The following CNTNAP5 variants were observed in gnomAD, a reference collection of about 807,000 sequenced individuals.
CNTNAP5 encodes contactin associated protein family member 5.
CNTNAP5 carries 72 observed loss-of-function variants against 150.2 expected under a neutral mutation model. That is an observed-to-expected ratio of 0.48 (90% CI 0.40 to 0.58). The LOEUF is 0.58. Ranked by LOEUF, CNTNAP5 falls within the 20% of genes least tolerant of loss-of-function variation. The pLI is 0.00. For missense variants in CNTNAP5, 1,636 were observed against 1,626.2 expected (o/e 1.01, Z -0.10); for synonymous variants, 672 against 619.8 (o/e 1.08, Z -1.25).
At position 124,841,578 on chromosome 2, in the gene CNTNAP5, C is replaced by T. The variant is rs537982361; in HGVS notation, c.3218-23728C>T. 4.6e-5 allele frequency among the ~76,000 whole-genome samples: 7 copies of T among 152,146 alleles called. No individual in the cohort carries two copies. In the South Asian group the frequency reaches 1.5e-3, roughly 32 times the overall value. ...TTCTCTGATTTCCCAACTCTCCTGC[C>T]TGTGGATGTTCCCTCGCAGCATTCC... On this transcript the variant is annotated intron_variant, in intron 19 of 23. Coordinates refer to ENST00000682447, the MANE Select transcript of CNTNAP5 (RefSeq NM_001367498.1).
intron 1 of CNTNAP5, among the ~76,000 whole-genome samples, chr2:124,220,498 A>G (rs541972831): frequency 7.9e-5 from 12 of 152,128 alleles, no homozygotes; most frequent in African/African-American, 1.4e-4. Context: ...GTGTCACCCA[A>G]TGGAAAATAC....
intron 3 of CNTNAP5, among the ~76,000 whole-genome samples, chr2:124,388,176 C>T (rs1207653059): frequency 6.6e-6 from 1 of 152,164 alleles, no homozygotes; most frequent in East Asian, 1.9e-4. Flanking sequence ...CACAGACTAC[C>T]TCCTAAAGGC....
At chr2:124,578,423 G>A (rs1368847041) in intron 11 of CNTNAP5, among the ~76,000 whole-genome samples, 1 of 151,620 alleles carries the variant, frequency 6.6e-6, no homozygotes, top group Non-Finnish European at 1.5e-5. Flanking sequence ...TAATCTTACA[G>A]CTCAAAAGGG....
chr2:124,750,280 A>G (rs186042195), intron 14 of CNTNAP5, among the ~76,000 whole-genome samples: 1 of 152,278 alleles, frequency 6.6e-6, no homozygotes, highest in African/African-American at 2.4e-5. Flanking sequence ...CCTCTTAAGG[A>G]TGCCTGACTC....
chr2:124,602,819 G>T (rs1192401153), intron 11 of CNTNAP5, among the ~76,000 whole-genome samples: 3 of 152,036 alleles, frequency 2.0e-5, no homozygotes, highest in African/African-American at 7.2e-5. Flanking sequence ...AACAAATTGT[G>T]GACATATAAT....
intron 3 of CNTNAP5, among the ~76,000 whole-genome samples, chr2:124,372,408 A>G (rs1690549820): frequency 6.6e-6 from 1 of 152,086 alleles, no homozygotes; most frequent in African/African-American, 2.4e-5. Context: ...ATTCTCCCTA[A>G]TAAACTCCTT....
At chr2:124,570,072 C>T (rs1279992518) in intron 11 of CNTNAP5, among the ~76,000 whole-genome samples, 8 of 152,146 alleles carry the variant, frequency 5.3e-5, no homozygotes, top group African/African-American at 1.9e-4. Flanking sequence ...ACAGTGTGCT[C>T]TTAGTGGAAA....
intron 3 of CNTNAP5, among the ~76,000 whole-genome samples, chr2:124,287,427 A>G (rs1164662811): frequency 1.3e-5 from 2 of 152,192 alleles, no homozygotes; most frequent in Non-Finnish European, 2.9e-5. Flanking sequence ...GTCCCTGTCA[A>G]GCTTCGTTAA....
chr2:124,126,645 A>G lies in CNTNAP5; in HGVS notation c.83-95060A>G, dbSNP rs192835320. Among the ~76,000 whole-genome samples the G allele has an allele frequency of 1.1e-4, 16 of 152,354 alleles. 1 individual carries two copies. In the East Asian group the frequency reaches 3.1e-3, roughly 29 times the overall value. The stretch of plus-strand genomic sequence containing the variant: ...AGTCCAATATCCCTGATGAACATCA[A>G]CGCAAAATTCCTTAATAAAATACTG... On this transcript the variant is annotated intron_variant, in intron 1 of 23. Transcript: ENST00000682447.
At chr2:124,249,425 T>G (rs868409919) in intron 3 of CNTNAP5, among the ~76,000 whole-genome samples, 6 of 152,188 alleles carry the variant, frequency 3.9e-5, no homozygotes, top group Non-Finnish European at 8.8e-5. Context: ...CTCTGAAGTC[T>G]GCTATCTGAG....
At chr2:124,067,306 G>T (rs1682185171) in intron 1 of CNTNAP5, among the ~76,000 whole-genome samples, 1 of 152,152 alleles carries the variant, frequency 6.6e-6, no homozygotes, top group African/African-American at 2.4e-5. Context: ...GTCAGAATCA[G>T]GGTGTTGGCA....
At chr2:124,569,029 C>T (rs1696093893) in intron 11 of CNTNAP5, among the ~76,000 whole-genome samples, 1 of 152,160 alleles carries the variant, frequency 6.6e-6, no homozygotes, top group Non-Finnish European at 1.5e-5. Flanking sequence ...GCCTGGGCGA[C>T]AGAGCGAGAC....
At chr2:124,730,939 T>C (rs1265857595) in intron 13 of CNTNAP5, among the ~76,000 whole-genome samples, 33 of 152,150 alleles carry the variant, frequency 2.2e-4, no homozygotes, top group Admixed American at 2.2e-3. Context: ...ATCGTTATGC[T>C]GATGATCCTC....
At chr2:124,683,457 T>G (rs1679116395) in intron 13 of CNTNAP5, among the ~76,000 whole-genome samples, 1 of 152,092 alleles carries the variant, frequency 6.6e-6, no homozygotes, top group Admixed American at 6.6e-5. Flanking sequence ...TTTTGGTGGT[T>G]ATTTATGAGA....
At chr2:124,335,321 G>A (rs1011542156) in intron 3 of CNTNAP5, among the ~76,000 whole-genome samples, 3 of 151,954 alleles carry the variant, frequency 2.0e-5, no homozygotes, top group African/African-American at 4.8e-5. Flanking sequence ...CAAAGAGAGT[G>A]CTGCTGAATA....
At chr2:124,597,638 C>T (rs906303287) in intron 11 of CNTNAP5, among the ~76,000 whole-genome samples, 13 of 149,720 alleles carry the variant, frequency 8.7e-5, no homozygotes, top group African/African-American at 1.2e-4. Context: ...TTGCTCTTCT[C>T]GAGGAGTATC....
At chr2:124,095,165 T>C (rs1682904511) in intron 1 of CNTNAP5, among the ~76,000 whole-genome samples, 1 of 152,078 alleles carries the variant, frequency 6.6e-6, no homozygotes, top group Admixed American at 6.5e-5. Flanking sequence ...CATGCAGCCA[T>C]GAAAAAGGAT....
intron 1 of CNTNAP5, among the ~76,000 whole-genome samples, chr2:124,194,843 A>T (rs1214639211): frequency 1.3e-5 from 2 of 151,914 alleles, no homozygotes; most frequent in African/African-American, 4.8e-5. Flanking sequence ...TTCTAAAAAA[A>T]CGTTTCTTTT....
intron 19 of CNTNAP5, among the ~76,000 whole-genome samples, chr2:124,811,070 AT>A (rs1249748077): frequency 6.6e-6 from 1 of 152,160 alleles, no homozygotes; most frequent in Non-Finnish European, 1.5e-5. Context: ...TATCACTTGC[AT>A]GCATATATCA....
Sources: allele counts gnomAD v4.1 joint callset (sites outside exome capture counted in the v4.1 genomes callset), GRCh38; gene constraint gnomAD v4.1.1; transcripts MANE v1.5; gene names NCBI Gene and HGNC (gene_info 2026-07-23, HGNC 2026-07-21).